The following ZC3H12D variants were observed in gnomAD, a reference collection of about 807,000 sequenced individuals.
ZC3H12D encodes probable ribonuclease ZC3H12D.
In ZC3H12D, 11 loss-of-function variants were observed where a neutral mutation model predicts 24.2. That is an observed-to-expected ratio of 0.46 (90% CI 0.29 to 0.75). The LOEUF is 0.75. Among genes scored for constraint, ZC3H12D ranks in the 30% least tolerant of loss-of-function variants. The pLI, the probability that ZC3H12D is intolerant of heterozygous loss-of-function variation, is 0.11. For synonymous variants in ZC3H12D, 333 were observed against 341.8 expected (o/e 0.97, Z 0.28); for missense variants, 740 against 767.7 (o/e 0.96, Z 0.43).
In ZC3H12D at chr6:149,483,872, G is replaced by A. The variant is rs533257704; in HGVS notation, c.-71+941C>T. Among the ~76,000 whole-genome samples the A allele has an allele frequency of 2.6e-5, 4 of 152,256 alleles. No homozygotes were observed. The East Asian group carries it at 7.7e-4, about 29-fold the overall frequency. ...AGCCAATTTCTCTCGTTTTTAAGGC[G>A]AAATAACATTCCTCTGTATGTATAC... is the stretch of plus-strand genomic sequence containing the variant. On this transcript the variant is annotated intron_variant, in intron 1 of 5. Coordinates refer to ENST00000409806, the MANE Select transcript of ZC3H12D (RefSeq NM_207360.3).
rs6925330 is a variant in ZC3H12D, at chr6:149,479,524, A to T, written c.-70-4911T>A. ...AGAGCAGTCACCCCGGAGCCTACAGACAGAATGAGCAGCTTGGCCATCTCA... is the reference window on the plus strand; with the variant it reads ...AGAGCAGTCACCCCGGAGCCTACAGTCAGAATGAGCAGCTTGGCCATCTCA... On this transcript the variant is annotated intron_variant, in intron 1 of 5. Coordinates refer to ENST00000409806, the MANE Select transcript of ZC3H12D (RefSeq NM_207360.3). 9.6e-3 allele frequency among the ~76,000 whole-genome samples: 1,457 copies of T among 152,280 alleles called. 29 individuals carry two copies. The highest frequency in any genetic ancestry group is 0.033 in the African/African-American group (1,377 of 41,542).
intron 2 of ZC3H12D, among the ~76,000 whole-genome samples, chr6:149,463,022 A>T (rs1776099921): frequency 1.3e-5 from 2 of 152,182 alleles, no homozygotes; most frequent in Non-Finnish European, 2.9e-5. Flanking sequence ...CTTCATATAT[A>T]CATGTAGCCT....
intron 1 of ZC3H12D, among the ~76,000 whole-genome samples, chr6:149,483,513 C>G (rs1421602931): frequency 6.6e-6 from 1 of 152,170 alleles, no homozygotes; most frequent in Non-Finnish European, 1.5e-5. Flanking sequence ...CCCTGGCACC[C>G]ACCATTGTAC....
intron 2 of ZC3H12D, among the ~76,000 whole-genome samples, chr6:149,468,083 G>T (rs547704796): frequency 9.8e-5 from 15 of 152,316 alleles, no homozygotes; most frequent in Non-Finnish European, 1.9e-4. Flanking sequence ...CCAGGTTCAA[G>T]CGATTCTCCT....
chr6:149,475,787 G>T (rs1197492831), intron 1 of ZC3H12D, among the ~76,000 whole-genome samples: 2 of 151,916 alleles, frequency 1.3e-5, no homozygotes, highest in Admixed American at 1.3e-4. Context: ...CTACACCGGG[G>T]GTTGGGGGGT....
At position 149,474,385 on chromosome 6, in the gene ZC3H12D, C is replaced by T. The variant is rs1425915887; in HGVS notation, c.159G>A (p.Pro53=). ...CCCGAGGCACTAGCCTGGGTGCAGC[C>T]GGGTGCTCCAGGGCACCCGGGCGGC... ...TGSRPGALEH[P]AAPRLVPRGS... The change falls in exon 2 of 6, where the codon CCG becomes CCA. Residue 53 remains proline (P), a synonymous_variant. Transcript: ENST00000409806. The T allele has an allele frequency of 1.7e-5, 28 of 1,608,526 alleles. 1 individual carries two copies. The East Asian group carries it at 2.2e-4, about 13-fold the overall frequency.
intron 2 of ZC3H12D, among the ~76,000 whole-genome samples, chr6:149,473,196 G>C (rs1776273736): frequency 6.6e-6 from 1 of 151,688 alleles, no homozygotes; most frequent in Admixed American, 6.6e-5. Context: ...CCTGAGGCTG[G>C]ACCATCTGGG....
intron 4 of ZC3H12D, among the ~76,000 whole-genome samples, chr6:149,454,437 A>G (rs1397689117): frequency 6.6e-6 from 1 of 152,204 alleles, no homozygotes; most frequent in Non-Finnish European, 1.5e-5. Flanking sequence ...GAGCTGGGTG[A>G]TCCCCGGCCC....
At chr6:149,474,849 G>A (rs568548093) in intron 1 of ZC3H12D, among the ~76,000 whole-genome samples, 4 of 152,282 alleles carry the variant, frequency 2.6e-5, no homozygotes, top group South Asian at 4.1e-4. Context: ...GCACACACCC[G>A]ACCGCACACC....
chr6:149,466,991 A>G (rs772726975), intron 2 of ZC3H12D, among the ~76,000 whole-genome samples: 1 of 152,220 alleles, frequency 6.6e-6, no homozygotes, highest in Non-Finnish European at 1.5e-5. Flanking sequence ...ATTTGCATTT[A>G]ACCATTCACA....
At chr6:149,465,708 T>C (rs1309874833) in intron 2 of ZC3H12D, among the ~76,000 whole-genome samples, 2 of 143,778 alleles carry the variant, frequency 1.4e-5, no homozygotes, top group African/African-American at 5.2e-5. Flanking sequence ...TGAGCTGAGA[T>C]CGCACCACTG....
In ZC3H12D at chr6:149,456,770, G is replaced by C. The variant is rs1304396481; in HGVS notation, c.576C>G (p.Gly192=). The stretch of plus-strand genomic sequence containing the variant: ...GGTAGTTGTCGTTGGAGACGATGAC[G>C]CCGTCCTGCTCGTAGGCCACCTTCA... The part of the protein sequence containing the change: ...YIVKVAYEQD[G]VIVSNDNYRD... Residue 192 remains glycine (G), a synonymous_variant, in exon 4 of 6, where the codon GGC becomes GGG. Coordinates refer to ENST00000409806, the MANE Select transcript of ZC3H12D (RefSeq NM_207360.3). The surrounding 1 kb of genome is among the most constrained non-coding windows in gnomAD (Gnocchi z 4.3). 2 of 1,613,624 alleles carry C rather than the reference G, an allele frequency of 1.2e-6. No homozygotes were observed. Among genetic ancestry groups the C allele is most frequent in the East Asian group, 4.5e-5 (2 of 44,886 alleles).
At chr6:149,477,260 G>C (rs1236638638) in intron 1 of ZC3H12D, among the ~76,000 whole-genome samples, 1 of 152,256 alleles carries the variant, frequency 6.6e-6, no homozygotes, top group Non-Finnish European at 1.5e-5. Flanking sequence ...GGGTCTGGCA[G>C]GTGAAGGGCA....
Position 149,456,250 on chromosome 6 carries a change from T to C in ZC3H12D, c.680+416A>G, listed in dbSNP as rs1192994395. On this transcript the variant is annotated intron_variant, in intron 4 of 5. Transcript: ENST00000409806. This position sits in a 1 kb window ranked among gnomAD's most constrained non-coding sequence, Gnocchi z 4.3. ...CTGGGTGACAGAGCAAGACTCCATC[T>C]CAAAAAATAAAATAAAATAAAATAA... Among the ~76,000 whole-genome samples, 1 of 114,632 alleles carries C rather than the reference T, an allele frequency of 8.7e-6. No homozygotes were observed. The highest frequency in any genetic ancestry group is 2.0e-5 in the Non-Finnish European group (1 of 50,870). 75.2% of individuals were successfully genotyped at this position (114,632 alleles called of 152,430 possible).
At chr6:149,484,024 C>T (rs1042350870) in intron 1 of ZC3H12D, among the ~76,000 whole-genome samples, 5 of 152,146 alleles carry the variant, frequency 3.3e-5, no homozygotes, top group South Asian at 2.1e-4. Flanking sequence ...TCAAACTTGT[C>T]CCCTGCTCTT....
Position 149,448,038 on chromosome 6 carries a change from T to A in ZC3H12D, c.*2645A>T, listed in dbSNP as rs182765511. The A allele has an allele frequency of 1.3e-5, 2 of 152,334 alleles. No homozygotes were observed. Among genetic ancestry groups the A allele is most frequent in the Admixed American group, 1.3e-4 (2 of 15,306 alleles). The allele number at this position is 152,334 out of a possible 1,614,324, so 9.4% of individuals were successfully genotyped here. On this transcript the variant is annotated 3_prime_UTR_variant, in exon 6 of 6. Transcript: ENST00000409806. ...CAGGCGCGGTGGCTCACGCCTATAA[T>A]CCCAGCACTTTGGGAGGCTGAGGCG...
chr6:149,464,541 C>A (rs1371106346), intron 2 of ZC3H12D, among the ~76,000 whole-genome samples: 2 of 152,188 alleles, frequency 1.3e-5, no homozygotes. Context: ...GCTCTCACTG[C>A]ACCCTCCCGC....
intron 3 of ZC3H12D, among the ~76,000 whole-genome samples, chr6:149,460,876 C>T (rs774193427): frequency 1.7e-4 from 26 of 151,568 alleles, no homozygotes; most frequent in Non-Finnish European, 2.7e-4. Context: ...TGGTGATATG[C>T]ACCTATAGTC....
intron 2 of ZC3H12D, among the ~76,000 whole-genome samples, chr6:149,469,264 T>C (rs907953960): frequency 6.6e-6 from 1 of 152,134 alleles, no homozygotes; most frequent in Non-Finnish European, 1.5e-5. Flanking sequence ...GAGACCATCC[T>C]GGCTAACACG....
Sources: gnomAD v4.1 joint callset for allele counts (sites outside exome capture counted in the v4.1 genomes callset) on GRCh38, gnomAD v4.1.1 for gene constraint, Gnocchi (gnomAD v3.1) non-coding constraint, MANE v1.5 for transcripts, NCBI Gene and HGNC (gene_info 2026-07-23, HGNC 2026-07-21) for gene names.